The following APBB1 variants were observed in gnomAD, a reference collection of about 807,000 sequenced individuals.
APBB1 encodes adaptor protein FE65a2.
A neutral mutation model predicts 78.4 loss-of-function variants in APBB1; 22 were observed. The ratio of observed to expected loss-of-function variants is 0.28; its 90% CI spans 0.20 to 0.40. The LOEUF is 0.40. Among genes scored for constraint, APBB1 ranks in the 10% least tolerant of loss-of-function variants. APBB1 has a pLI of 1.00. For synonymous variants in APBB1, 369 were observed against 372.7 expected (o/e 0.99, Z 0.12); for missense variants, 749 against 932.4 (o/e 0.80, Z 2.56).
chr11:6,412,107 C>T (rs1027921938), intron 1 of APBB1, among the ~76,000 whole-genome samples: 1 of 152,222 alleles, frequency 6.6e-6, no homozygotes, highest in African/African-American at 2.4e-5. Flanking sequence ...AGCCTTTCCC[C>T]TGGGCCCCTC....
intron 12 of APBB1, among the ~76,000 whole-genome samples, chr11:6,400,541 TA>T (rs5789463): frequency 6.0e-4 from 85 of 141,978 alleles, no homozygotes; most frequent in Admixed American, 6.3e-4. Flanking sequence ...GACTTGTCTT[TA>T]AAAAAAAAAA....
At position 6,403,003 on chromosome 11, in the gene APBB1, ACAG is replaced by A. The variant is rs1848612534; in HGVS notation, c.1104+139_1104+141del. The A allele has an allele frequency of 1.5e-5, 13 of 891,378 alleles. No homozygotes were observed. In the Admixed American group the frequency reaches 3.1e-4, roughly 21 times the overall value. The allele number at this position is 891,378 out of a possible 1,614,324, so 55.2% of individuals were successfully genotyped here. The stretch of plus-strand genomic sequence containing the variant: ...AAACTGAAGTGCCTCCAGCTCAGAC[ACAG>A]GGCTCTGTGCTGAGACTGGAAGAAC... On this transcript the variant is annotated intron_variant, in intron 6 of 14. Coordinates refer to ENST00000609360, the MANE Select transcript of APBB1 (RefSeq NM_001164.5). This position sits in a 1 kb window ranked among gnomAD's most constrained non-coding sequence, Gnocchi z 5.3.
chr11:6,400,740 G>C lies in APBB1; in HGVS notation c.1672+249C>G, dbSNP rs188970218. The stretch of plus-strand genomic sequence containing the variant: ...GCTTTTCCATGGGATGAAGGAGTGG[G>C]GTCTCCCTTTGTGCCTGGTTCAGCA... On this transcript the variant is annotated intron_variant, in intron 12 of 14. Coordinates refer to ENST00000609360, the MANE Select transcript of APBB1 (RefSeq NM_001164.5). 4.1e-4 allele frequency among the ~76,000 whole-genome samples: 62 copies of C among 152,252 alleles called. No homozygotes were observed. In the East Asian group the frequency reaches 0.012, roughly 28 times the overall value.
intron 13 of APBB1, 50 bp downstream of exon 13, chr11:6,396,050 T>A: frequency 6.3e-7 from 1 of 1,599,412 alleles, no homozygotes; most frequent in East Asian, 2.2e-5. Flanking sequence ...TCACCCCCAG[T>A]CTCCCCTCTA....
rs1848962129 is a variant in APBB1 at position 6,411,387 on chromosome 11, G to A, written c.-14-26C>T. ...CTGTGGGGTGCGGAGGGGAGATGCT[G>A]TTGAGCCTCTGGTCCAGAACAGCAG... is the stretch of plus-strand genomic sequence containing the variant. On this transcript the variant is annotated intron_variant, in intron 1 of 14. Coordinates refer to ENST00000609360, the MANE Select transcript of APBB1 (RefSeq NM_001164.5). This position sits in a 1 kb window ranked among gnomAD's most constrained non-coding sequence, Gnocchi z 5.2. The A allele has an allele frequency of 2.0e-6, 3 of 1,509,662 alleles. No individual in the cohort carries two copies. The highest frequency in any genetic ancestry group is 2.7e-6 in the Non-Finnish European group (3 of 1,129,592). The allele number at this position is 1,509,662 out of a possible 1,614,324, so 93.5% of individuals were successfully genotyped here.
intron 2 of APBB1, among the ~76,000 whole-genome samples, chr11:6,407,776 T>TTTC (rs1848850106): frequency 6.7e-6 from 1 of 150,180 alleles, no homozygotes; most frequent in African/African-American, 2.5e-5. Context: ...TAGAAGTATT[T>TTTC]TTTTTTTTTT....
In APBB1 at chr11:6,403,059, C is replaced by CT; in HGVS notation, c.1104+85dup. 7.6e-7 allele frequency: 1 copy of CT among 1,322,270 alleles called. No homozygotes were observed. Among genetic ancestry groups the CT allele is most frequent in the Non-Finnish European group, 1.0e-6 (1 of 952,528 alleles). The allele number at this position is 1,322,270 out of a possible 1,614,324, so 81.9% of individuals were successfully genotyped here. On this transcript the variant is annotated intron_variant, in intron 6 of 14. Transcript: ENST00000609360. The surrounding 1 kb of genome is among the most constrained non-coding windows in gnomAD (Gnocchi z 5.3). ...CTAACTCAGGACCTGGGGAACTGCG[C>CT]TGAGACCCCTCAGAGCACAACATTA...
At chr11:6,405,242 G>A (rs1278661467) in intron 2 of APBB1, 8 of 1,016,448 alleles carry the variant, frequency 7.9e-6, no homozygotes, top group Non-Finnish European at 9.4e-6. Context: ...GCATAAATAG[G>A]GTGTGGTTTC....
At chr11:6,407,504 T>G (rs1408359108) in intron 2 of APBB1, among the ~76,000 whole-genome samples, 1 of 152,356 alleles carries the variant, frequency 6.6e-6, no homozygotes, top group African/African-American at 2.4e-5. Flanking sequence ...AAGCCTCAGA[T>G]AGATTGTGTG....
intron 1 of APBB1, among the ~76,000 whole-genome samples, chr11:6,412,054 C>T (rs1198661530): frequency 6.6e-6 from 1 of 152,216 alleles, no homozygotes; most frequent in African/African-American, 2.4e-5. Context: ...GGCACTGGTC[C>T]CTCTGCCAGC....
At chr11:6,404,675 T>G in intron 2 of APBB1, 1 of 1,536,214 alleles carries the variant, frequency 6.5e-7, no homozygotes, top group South Asian at 1.2e-5. Context: ...AACCCGCTCA[T>G]GCGTCCTCTA....
chr11:6,402,346 C>A, intron 7 of APBB1, 137 bp from the exon 8 acceptor site: 1 of 1,303,112 alleles, frequency 7.7e-7, no homozygotes, highest in Non-Finnish European at 1.1e-6. Flanking sequence ...CTGCAGGCCT[C>A]ACTCTAGTGG....
At position 6,412,093 on chromosome 11, in the gene APBB1, T is replaced by C. The variant is rs530155641; in HGVS notation, c.-14-732A>G. On this transcript the variant is annotated intron_variant, in intron 1 of 14. Transcript: ENST00000609360. ...CATAATGCCCTGTCCTGGATCACTA[T>C]GGGAGCCTTTCCCCTGGGCCCCTCA... 3.3e-5 allele frequency among the ~76,000 whole-genome samples: 5 copies of C among 152,334 alleles called. No individual in the cohort carries two copies. The South Asian group carries it at 8.3e-4, about 25-fold the overall frequency.
chr11:6,395,465 C>G lies in APBB1; in HGVS notation c.*69G>C. 6.8e-7 allele frequency: 1 copy of G among 1,461,912 alleles called. No homozygotes were observed. The highest frequency in any genetic ancestry group is 9.1e-7 in the Non-Finnish European group (1 of 1,103,418). 90.6% of individuals were successfully genotyped at this position (1,461,912 alleles called of 1,614,324 possible). On this transcript the variant is annotated 3_prime_UTR_variant, in exon 15 of 15. Coordinates refer to ENST00000609360, the MANE Select transcript of APBB1 (RefSeq NM_001164.5). This position sits in a 1 kb window ranked among gnomAD's most constrained non-coding sequence, Gnocchi z 5.2. Reference sequence around the variant, plus strand: ...AGGCCTAGGAATAGCCTCTAGACCCCTCCCTGACCCACACCCTTTAGTTCC... The same window carrying G: ...AGGCCTAGGAATAGCCTCTAGACCCGTCCCTGACCCACACCCTTTAGTTCC...
chr11:6,395,946 C>G lies in APBB1; in HGVS notation c.1805G>C (p.Gly602Ala), dbSNP rs778797525. 44 of 1,613,858 alleles carry G rather than the reference C, an allele frequency of 2.7e-5. No homozygotes were observed. The highest frequency in any genetic ancestry group is 2.2e-4 in the East Asian group (10 of 44,888). ...ILHQQTEAVL[G>A]ECRVRFLSFL... ...GGAGAGGAAACGCACCCGACACTCT[C>G]CCAGCACTGCCTCTGTCTGCATGGA... The change falls in exon 14 of 15, where the codon GGA becomes GCA. Residue 602 changes from glycine (G) to alanine (A), a missense_variant. Gly to Ala is a moderately conservative substitution (Grantham distance 60). Coordinates refer to ENST00000609360, the MANE Select transcript of APBB1 (RefSeq NM_001164.5). The surrounding 1 kb of genome is among the most constrained non-coding windows in gnomAD (Gnocchi z 5.2).
chr11:6,415,628 T>C (rs899368113), intron 1 of APBB1, among the ~76,000 whole-genome samples: 1 of 152,132 alleles, frequency 6.6e-6, no homozygotes, highest in Non-Finnish European at 1.5e-5. Context: ...TAACTCTCCA[T>C]TGGCCACCCG....
rs776423123 is a variant in APBB1 at position 6,403,593 on chromosome 11, C to A, written c.898-49G>T. 1 of 1,613,532 alleles carries A rather than the reference C, an allele frequency of 6.2e-7. No individual in the cohort carries two copies. The highest frequency in any genetic ancestry group is 1.7e-5 in the Admixed American group (1 of 60,002). On this transcript the variant is annotated intron_variant, in intron 3 of 14. Coordinates refer to ENST00000609360, the MANE Select transcript of APBB1 (RefSeq NM_001164.5). This position sits in a 1 kb window ranked among gnomAD's most constrained non-coding sequence, Gnocchi z 5.3. Reference sequence around the variant, plus strand: ...GAGTGAGTGTCCTATCCTACTCCAGCAGCACACACTCCCTCCACCCCTGGC... The same window carrying A: ...GAGTGAGTGTCCTATCCTACTCCAGAAGCACACACTCCCTCCACCCCTGGC...
Position 6,411,394 on chromosome 11 carries a change from C to T in APBB1, c.-14-33G>A. 6.7e-7 allele frequency: 1 copy of T among 1,503,340 alleles called. No individual in the cohort carries two copies. Among genetic ancestry groups the T allele is most frequent in the Non-Finnish European group, 8.9e-7 (1 of 1,125,026 alleles). The allele number at this position is 1,503,340 out of a possible 1,614,324, so 93.1% of individuals were successfully genotyped here. On this transcript the variant is annotated intron_variant, in intron 1 of 14. Transcript: ENST00000609360. The surrounding 1 kb of genome is among the most constrained non-coding windows in gnomAD (Gnocchi z 5.2). ...GTGCGGAGGGGAGATGCTGTTGAGC[C>T]TCTGGTCCAGAACAGCAGCATCACT... is the stretch of plus-strand genomic sequence containing the variant.
At chr11:6,407,775 T>TTTC (rs1848849987) in intron 2 of APBB1, among the ~76,000 whole-genome samples, 2 of 141,188 alleles carry the variant, frequency 1.4e-5, no homozygotes, top group African/African-American at 5.7e-5. Flanking sequence ...GTAGAAGTAT[T>TTTC]TTTTTTTTTT....
Sources: gnomAD v4.1 joint callset for allele counts (sites outside exome capture counted in the v4.1 genomes callset) on GRCh38, gnomAD v4.1.1 for gene constraint, Gnocchi (gnomAD v3.1) non-coding constraint, MANE v1.5 for transcripts, NCBI Gene and HGNC (gene_info 2026-07-23, HGNC 2026-07-21) for gene names.